GUCY2C: variants seen among roughly 807,000 people sequenced by gnomAD.
The protein encoded by GUCY2C is guanylyl cyclase C.
A neutral mutation model predicts 131.1 loss-of-function variants in GUCY2C; 118 were observed. The ratio of observed to expected loss-of-function variants is 0.90; its 90% CI spans 0.78 to 1.05. GUCY2C has a LOEUF of 1.05. Ranked by LOEUF, GUCY2C falls within the 50% of genes least tolerant of loss-of-function variation. GUCY2C has a pLI of 0.00. For missense variants in GUCY2C, 1,161 were observed against 1,304.4 expected, an observed-to-expected ratio of 0.89 and a Z score of 1.69; for synonymous variants, 452 against 457.8, an observed-to-expected ratio of 0.99 and a Z score of 0.16.
intron 1 of GUCY2C, among the ~76,000 whole-genome samples, chr12:14,689,215 A>G (rs1271449689): frequency 6.6e-6 from 1 of 152,204 alleles, no homozygotes; most frequent in African/African-American, 2.4e-5. Context: ...TTTTGAAGGT[A>G]GGAAATTGAT....
Position 14,679,693 on chromosome 12 carries a change from G to T in GUCY2C, c.794C>A (p.Ala265Asp). 1.3e-6 allele frequency: 2 copies of T among 1,594,732 alleles called. No homozygotes were observed. Among genetic ancestry groups the T allele is most frequent in the Non-Finnish European group, 1.7e-6 (2 of 1,162,354 alleles). ...CACTAGAATAATGACAATGTCTTCA[G>T]CCACTGCTCGGTCACCCTTCAGCTT... ...LYKLKGDRAV[A>D]EDIVIILVDL... Residue 265 changes from alanine (A) to aspartate (D), a missense_variant, in exon 6 of 27, where the codon GCT (alanine) becomes GAT (aspartate). Coordinates refer to ENST00000261170, the MANE Select transcript of GUCY2C (RefSeq NM_004963.4).
chr12:14,691,562 T>C (rs247328), intron 1 of GUCY2C, among the ~76,000 whole-genome samples: 32,304 of 151,710 alleles, frequency 0.21, 4,035 homozygotes, highest in African/African-American at 0.31. Context: ...ACGTGGAGGG[T>C]AGCACACAGT....
chr12:14,620,946 G>A, intron 23 of GUCY2C, 96 bp downstream of exon 23: 1 of 925,510 alleles, frequency 1.1e-6, no homozygotes, highest in Non-Finnish European at 1.6e-6. Flanking sequence ...AATTATGTGA[G>A]GTCGATCACA....
Position 14,640,624 on chromosome 12 carries a change from G to A in GUCY2C, c.2068+458C>T, listed in dbSNP as rs1947379830. Among the ~76,000 whole-genome samples, 6 of 152,240 alleles carry A rather than the reference G, an allele frequency of 3.9e-5. No individual in the cohort carries two copies. The South Asian group carries it at 1.2e-3, about 32-fold the overall frequency. ...TAGTCACCCTACTCCCCACCAAACA[G>A]TTAACGGTTAGCACGTAATAAATGC... On this transcript the variant is annotated intron_variant, in intron 18 of 26. Transcript: ENST00000261170.
At chr12:14,659,725 A>C (rs1463133758) in intron 11 of GUCY2C, among the ~76,000 whole-genome samples, 1 of 152,174 alleles carries the variant, frequency 6.6e-6, no homozygotes, top group Non-Finnish European at 1.5e-5. Flanking sequence ...ACTGTCATTC[A>C]TACTGAATTA....
At position 14,646,016 on chromosome 12, in the gene GUCY2C, A is replaced by C. The variant is rs542954382; in HGVS notation, c.1711-701T>G. Among the ~76,000 whole-genome samples the C allele has an allele frequency of 4.6e-5, 7 of 151,782 alleles. No homozygotes were observed. In the South Asian group the frequency reaches 1.5e-3, roughly 32 times the overall value. On this transcript the variant is annotated intron_variant, in intron 15 of 26. Transcript: ENST00000261170. ...ATGCCCAGCTAACTTTTGTATTTTT[A>C]CTAGAGACGGGGTTTCGCTACGTTG...
intron 11 of GUCY2C, 129 bp from the exon 12 acceptor site, chr12:14,656,746 A>G (rs1247596648): frequency 2.0e-6 from 1 of 511,996 alleles, no homozygotes; most frequent in Non-Finnish European, 3.6e-6. Context: ...TAGCCCAATG[A>G]CAGAACACCA....
intron 1 of GUCY2C, among the ~76,000 whole-genome samples, chr12:14,689,718 A>C (rs1948541445): frequency 6.6e-6 from 1 of 152,238 alleles, no homozygotes. Flanking sequence ...ATGGCCTTTT[A>C]CCAGCTTAGT....
chr12:14,651,502 T>C lies in GUCY2C; in HGVS notation c.1615A>G (p.Ile539Val). ...QKIELNKLLQ[I>V]DYYNLTKFYG... ...AACTTGGTCAGGTTGTAATAGTCAA[T>C]CTGAAGCAACTAGAAGAACGTGTTT... The change falls in exon 15 of 27, where the codon ATT (isoleucine) becomes GTT (valine). Residue 539 changes from isoleucine to valine, a missense_variant. Ile to Val is a conservative substitution (Grantham distance 29). Transcript: ENST00000261170. The C allele has an allele frequency of 6.3e-7, 1 of 1,580,016 alleles. No individual in the cohort carries two copies. The highest frequency in any genetic ancestry group is 1.3e-5 in the African/African-American group (1 of 74,374).
intron 15 of GUCY2C, among the ~76,000 whole-genome samples, chr12:14,648,647 T>G (rs1440427188): frequency 6.6e-6 from 1 of 152,230 alleles, no homozygotes; most frequent in Non-Finnish European, 1.5e-5. Context: ...TGCACATAAT[T>G]TACGATGGCA....
At chr12:14,644,031 C>CTGGGTAGG (rs1947461303) in intron 16 of GUCY2C, among the ~76,000 whole-genome samples, 2 of 152,078 alleles carry the variant, frequency 1.3e-5, no homozygotes, top group Non-Finnish European at 1.5e-5. Context: ...GTCTGTGACC[C>CTGGGTAGG]TGGGTAGGTC....
intron 3 of GUCY2C, among the ~76,000 whole-genome samples, chr12:14,684,599 TCC>T (rs1463363985): frequency 0.1 from 186 of 1,786 alleles, 4 homozygotes; most frequent in Middle Eastern, 0.5. Context: ...CTTCCTTCCT[TCC>T]TTCCTTCCTT....
At chr12:14,644,306 C>T (rs1947468592) in intron 16 of GUCY2C, among the ~76,000 whole-genome samples, 1 of 152,108 alleles carries the variant, frequency 6.6e-6, no homozygotes, top group South Asian at 2.1e-4. Flanking sequence ...GCCGAGGTTG[C>T]AGTGAGCTGA....
At chr12:14,622,795 A>C (rs12425090) in intron 21 of GUCY2C, among the ~76,000 whole-genome samples, 1,664 of 152,332 alleles carry the variant, frequency 0.011, 119 homozygotes, top group Admixed American at 0.097. Flanking sequence ...TCAATCATGT[A>C]AATAAATTAA....
At chr12:14,642,589 G>T (rs1377059302) in intron 17 of GUCY2C, among the ~76,000 whole-genome samples, 1 of 152,192 alleles carries the variant, frequency 6.6e-6, no homozygotes, top group Non-Finnish European at 1.5e-5. Context: ...AAGGTTAGGG[G>T]TTGTAGAAAA....
intron 19 of GUCY2C, among the ~76,000 whole-genome samples, chr12:14,639,103 G>A (rs1210075910): frequency 1.3e-5 from 2 of 152,066 alleles, no homozygotes; most frequent in Non-Finnish European, 2.9e-5. Context: ...ATCGAGACCA[G>A]CCTGGCCAAC....
chr12:14,637,679 C>T (rs550575880), intron 19 of GUCY2C, among the ~76,000 whole-genome samples: 6 of 152,020 alleles, frequency 3.9e-5, no homozygotes, highest in Middle Eastern at 3.4e-3. Context: ...CAAGAACATA[C>T]AATGGGGAAA....
intron 23 of GUCY2C, among the ~76,000 whole-genome samples, chr12:14,620,611 ATAT>A (rs1252939377): frequency 6.6e-6 from 1 of 152,198 alleles, no homozygotes. Flanking sequence ...GGGGGTATAA[ATAT>A]TATAGAAATT....
At chr12:14,693,353 T>C (rs1414828331) in intron 1 of GUCY2C, among the ~76,000 whole-genome samples, 1 of 152,134 alleles carries the variant, frequency 6.6e-6, no homozygotes, top group Non-Finnish European at 1.5e-5. Flanking sequence ...GTGATTAGCC[T>C]TGGAACCATA....
Sources: allele counts gnomAD v4.1 joint callset (sites outside exome capture counted in the v4.1 genomes callset), GRCh38; gene constraint gnomAD v4.1.1; transcripts MANE v1.5; gene names NCBI Gene and HGNC (gene_info 2026-07-23, HGNC 2026-07-21).